The following RBFOX3 variants were observed in gnomAD, a reference collection of about 807,000 sequenced individuals.
The protein encoded by RBFOX3 is RNA binding protein fox-1 homolog 3.
A neutral mutation model predicts 48.7 loss-of-function variants in RBFOX3; 17 were observed. The observed-to-expected ratio is 0.35, with a 90% CI of 0.24 to 0.52. The LOEUF (loss-of-function observed/expected upper bound fraction) is 0.52. Ranked by LOEUF, RBFOX3 falls within the 20% of genes least tolerant of loss-of-function variation. RBFOX3 has a pLI of 0.94. For missense variants in RBFOX3, 382 were observed against 497.5 expected (o/e 0.77, Z 2.21); for synonymous variants, 212 against 209.5 (o/e 1.01, Z -0.10).
Position 79,103,836 on chromosome 17 carries a change from G to A in RBFOX3, c.414+237C>T, listed in dbSNP as rs911123520. Among the ~76,000 whole-genome samples the A allele has an allele frequency of 8.6e-5, 13 of 151,880 alleles. No individual in the cohort carries two copies. Among genetic ancestry groups the A allele is most frequent in the South Asian group, 8.3e-4 (4 of 4,808 alleles). ...CCGGACCTGGGGCCCAGGGCTCTGG[G>A]GTGCAGGCAAGAGGTCCTGGTGGCT... is the stretch of plus-strand genomic sequence containing the variant. On this transcript the variant is annotated intron_variant, in intron 7 of 14. Transcript: ENST00000693108. This position sits in a 1 kb window ranked among gnomAD's most constrained non-coding sequence, Gnocchi z 6.1.
At chr17:79,226,196 T>G (rs1051910056) in intron 4 of RBFOX3, among the ~76,000 whole-genome samples, 1 of 152,102 alleles carries the variant, frequency 6.6e-6, no homozygotes. Flanking sequence ...CAGGCAGCAG[T>G]GGGAGAAGTG....
At chr17:79,346,734 A>G (rs963105466) in intron 2 of RBFOX3, among the ~76,000 whole-genome samples, 2 of 152,240 alleles carry the variant, frequency 1.3e-5, no homozygotes, top group Non-Finnish European at 2.9e-5. Context: ...GAACTCCTCT[A>G]CTTACACTTC....
intron 14 of RBFOX3, chr17:79,094,163 T>A: frequency 2.4e-6 from 1 of 412,972 alleles, no homozygotes; most frequent in Non-Finnish European, 4.3e-6. Flanking sequence ...AACGGGACTT[T>A]ATTATAGTGA....
In RBFOX3 at chr17:79,322,334, C is replaced by T. The variant is rs372243291; in HGVS notation, c.-174-14510G>A. Among the ~76,000 whole-genome samples, 69 of 152,262 alleles carry T rather than the reference C, an allele frequency of 4.5e-4. 1 individual carries two copies. Among genetic ancestry groups the T allele is most frequent in the African/African-American group, 1.5e-3 (63 of 41,540 alleles). Reference sequence around the variant, plus strand: ...CAGCGGAGGCTGGGGCTACGCACTCCGAACTGGAATGCTGATGGGCTGGGG... The same window carrying T: ...CAGCGGAGGCTGGGGCTACGCACTCTGAACTGGAATGCTGATGGGCTGGGG... On this transcript the variant is annotated intron_variant, in intron 2 of 14. Coordinates refer to ENST00000693108, the MANE Select transcript of RBFOX3 (RefSeq NM_001350451.2).
At chr17:79,613,552 G>C (rs927423857), upstream of RBFOX3, among the ~76,000 whole-genome samples, 1 of 152,220 alleles carries the variant, frequency 6.6e-6, no homozygotes, top group African/African-American at 2.4e-5. Flanking sequence ...GGGAGGACTG[G>C]GGAGTCCTTG....
In RBFOX3 at chr17:79,115,702, T is replaced by TAGGGGGGGGGGGGGA; in HGVS notation, c.13_14insTCCCCCCCCCCCCCT (p.Pro4_Tyr5insPheProProProPro). 3 of 375,668 alleles carry TAGGGGGGGGGGGGGA rather than the reference T, an allele frequency of 8.0e-6. No individual in the cohort carries two copies. The highest frequency in any genetic ancestry group is 6.5e-5 in the East Asian group (1 of 15,404). The allele number at this position is 375,668 out of a possible 1,614,324, so 23.3% of individuals were successfully genotyped here. A position where few individuals can be genotyped will look rare whatever the true frequency, so the allele number is the denominator to read the frequency against. Reference sequence around the variant, plus strand: ...CGGAGGGGGGTACTGGGCGGGGGGGTAGGGCTGGGCCATCGCTTCAGGCGG... The same window carrying TAGGGGGGGGGGGGGA: ...CGGAGGGGGGTACTGGGCGGGGGGGTAGGGGGGGGGGGGGAAGGGCTGGGCCATCGCTTCAGGCGG... On this transcript the variant is annotated inframe_insertion, in exon 5 of 15. Transcript: ENST00000693108.
chr17:79,212,398 TGCAGCCGGGCTCCTGGC>T lies in RBFOX3; in HGVS notation c.-34+23351_-34+23367del, dbSNP rs1229082962. ...CTCTGGCTGCTCCTTCCTTCCCTCC[TGCAGCCGGGCTCCTGGC>T]GCTGCCCGTTCCCAATTTCTCCTTC... On this transcript the variant is annotated intron_variant, in intron 4 of 14. Transcript: ENST00000693108. This position sits in a 1 kb window ranked among gnomAD's most constrained non-coding sequence, Gnocchi z 4.7. 8.5e-5 allele frequency among the ~76,000 whole-genome samples: 13 copies of T among 152,290 alleles called. No individual in the cohort carries two copies. Among genetic ancestry groups the T allele is most frequent in the South Asian group, 2.1e-4 (1 of 4,826 alleles).
intron 2 of RBFOX3, among the ~76,000 whole-genome samples, chr17:79,368,446 C>T (rs769680244): frequency 3.9e-5 from 6 of 152,220 alleles, no homozygotes; most frequent in Non-Finnish European, 7.3e-5. Context: ...ATTTCCAAAC[C>T]TAGGACGCCC....
chr17:79,398,123 T>C (rs930289067), intron 2 of RBFOX3, among the ~76,000 whole-genome samples: 1 of 152,050 alleles, frequency 6.6e-6, no homozygotes, highest in African/African-American at 2.4e-5. Flanking sequence ...GAGCAGCAAT[T>C]AGAGCCCAAT....
intron 4 of RBFOX3, among the ~76,000 whole-genome samples, chr17:79,119,270 G>T: frequency 6.6e-6 from 1 of 152,182 alleles, no homozygotes. Context: ...AGCAGATGGG[G>T]ACATTTTAGG....
chr17:79,559,276 T>C (rs2092005286), intron 1 of RBFOX3, among the ~76,000 whole-genome samples: 1 of 151,816 alleles, frequency 6.6e-6, no homozygotes, highest in African/African-American at 2.4e-5. Flanking sequence ...AGATGGCAAA[T>C]GGTGGGTCAT....
At chr17:79,127,643 C>T (rs571706288) in intron 4 of RBFOX3, among the ~76,000 whole-genome samples, 7 of 152,252 alleles carry the variant, frequency 4.6e-5, no homozygotes, top group South Asian at 4.2e-4. Context: ...CTTGAGCCCC[C>T]GCATCAGAGG....
In RBFOX3 at chr17:79,364,924, C is replaced by T. The variant is rs1055072794; in HGVS notation, c.-174-57100G>A. ...TCCTGGTGCCCAGGGAGTGGCTGGG[C>T]AGGAGCCACCCAGCTGCAGTGCTTG... On this transcript the variant is annotated intron_variant, in intron 2 of 14. Coordinates refer to ENST00000693108, the MANE Select transcript of RBFOX3 (RefSeq NM_001350451.2). This position sits in a 1 kb window ranked among gnomAD's most constrained non-coding sequence, Gnocchi z 5.1. Among the ~76,000 whole-genome samples the T allele has an allele frequency of 6.6e-6, 1 of 152,094 alleles. No homozygotes were observed. Among genetic ancestry groups the T allele is most frequent in the Non-Finnish European group, 1.5e-5 (1 of 67,998 alleles).
chr17:79,611,616 C>T (rs1433962634), upstream of RBFOX3, among the ~76,000 whole-genome samples: 1 of 152,154 alleles, frequency 6.6e-6, no homozygotes, highest in African/African-American at 2.4e-5. Flanking sequence ...GGCCATTTTT[C>T]TTTGCCAGGC....
intron 1 of RBFOX3, among the ~76,000 whole-genome samples, chr17:79,584,126 C>G (rs1386146189): frequency 6.6e-6 from 1 of 152,174 alleles, no homozygotes; most frequent in East Asian, 1.9e-4. Flanking sequence ...CAATGGCCAA[C>G]AAGCATATGG....
chr17:79,335,396 T>C (rs2081038424), intron 2 of RBFOX3, among the ~76,000 whole-genome samples: 1 of 152,350 alleles, frequency 6.6e-6, no homozygotes, highest in Admixed American at 6.5e-5. Context: ...TATATGTATG[T>C]ATATGTTTTC....
intron 4 of RBFOX3, among the ~76,000 whole-genome samples, chr17:79,232,694 T>C (rs999199025): frequency 8.5e-5 from 11 of 130,080 alleles, no homozygotes; most frequent in African/African-American, 1.8e-4. Flanking sequence ...GAAGAAAGCA[T>C]AGGCGAAAAA....
intron 1 of RBFOX3, among the ~76,000 whole-genome samples, chr17:79,512,299 C>G (rs1389587560): frequency 3.0e-5 from 4 of 134,452 alleles, no homozygotes; most frequent in Admixed American, 2.2e-4. Flanking sequence ...CGGGTACAGC[C>G]CCATGGCCAG....
Position 79,390,058 on chromosome 17 carries a change from G to A in RBFOX3, c.-174-82234C>T, listed in dbSNP as rs55840337. 3.2e-5 allele frequency among the ~76,000 whole-genome samples: 4 copies of A among 126,324 alleles called. No individual in the cohort carries two copies. The highest frequency in any genetic ancestry group is 1.1e-4 in the African/African-American group (4 of 35,850). The allele number at this position is 126,324 out of a possible 152,430, so 82.9% of individuals were successfully genotyped here. A position where few individuals can be genotyped will look rare whatever the true frequency, so the allele number is the denominator to read the frequency against. On this transcript the variant is annotated intron_variant, in intron 2 of 14. Coordinates refer to ENST00000693108, the MANE Select transcript of RBFOX3 (RefSeq NM_001350451.2). This position sits in a 1 kb window ranked among gnomAD's most constrained non-coding sequence, Gnocchi z 4.2. ...CCGTAGCCTCCAGGTCTCCGCAGCC[G>A]CCGGGTCTCCGCAGCCTCCGGGTCT...
Sources: allele counts gnomAD v4.1 joint callset (sites outside exome capture counted in the v4.1 genomes callset), GRCh38; gene constraint gnomAD v4.1.1; non-coding constraint Gnocchi (gnomAD v3.1); transcripts MANE v1.5; gene names NCBI Gene and HGNC (gene_info 2026-07-23, HGNC 2026-07-21).